The following ISL1 variants were observed in gnomAD, a reference collection of about 807,000 sequenced individuals.
The protein encoded by ISL1 is insulin gene enhancer protein ISL-1.
Under a neutral mutation model 35.3 loss-of-function variants are expected in ISL1, and 4 were observed. The ratio of observed to expected loss-of-function variants is 0.11; its 90% CI spans 0.06 to 0.26. The LOEUF (loss-of-function observed/expected upper bound fraction) is 0.26, where lower values mean the gene tolerates loss of function less well. ISL1 is among the 10% of genes least tolerant of loss of function. ISL1 has a pLI of 1.00. For missense variants in ISL1, 340 were observed against 472.8 expected, an observed-to-expected ratio of 0.72 and a Z score of 2.60; for synonymous variants, 186 against 172.3, an observed-to-expected ratio of 1.08 and a Z score of -0.62.
intron 5 of ISL1, among the ~76,000 whole-genome samples, chr5:51,392,108 T>G (rs1238486940): frequency 6.6e-6 from 1 of 152,162 alleles, no homozygotes; most frequent in Non-Finnish European, 1.5e-5. Context: ...AGACACACAG[T>G]GTGTACCATG....
In ISL1 at chr5:51,393,699, G is replaced by A. The variant is rs1747570743; in HGVS notation, c.*89G>A. The stretch of plus-strand genomic sequence containing the variant: ...TGAAACAAAAGTATTTAACGACCCA[G>A]TCAATGAAAACTGAATCAAGAAATG... On this transcript the variant is annotated 3_prime_UTR_variant, in exon 6 of 6. Coordinates refer to ENST00000230658, the MANE Select transcript of ISL1 (RefSeq NM_002202.3). 5 of 857,768 alleles carry A rather than the reference G, an allele frequency of 5.8e-6. No homozygotes were observed. Among genetic ancestry groups the A allele is most frequent in the Admixed American group, 1.7e-5 (1 of 58,832 alleles). 53.1% of individuals were successfully genotyped at this position (857,768 alleles called of 1,614,324 possible).
In ISL1 at chr5:51,394,558, T is replaced by C. The variant is rs1189513918; in HGVS notation, c.*948T>C. ...TTTCATGTCATTTGACATTTTTTGT[T>C]TGCTGAAGTGAAAAAAAAAGATAAA... On this transcript the variant is annotated 3_prime_UTR_variant, in exon 6 of 6. Coordinates refer to ENST00000230658, the MANE Select transcript of ISL1 (RefSeq NM_002202.3). 1 of 152,668 alleles carries C rather than the reference T, an allele frequency of 6.6e-6. No individual in the cohort carries two copies. The highest frequency in any genetic ancestry group is 1.9e-4 in the East Asian group (1 of 5,202). The allele number at this position is 152,668 out of a possible 1,614,324, so 9.5% of individuals were successfully genotyped here. A position where few individuals can be genotyped will look rare whatever the true frequency, so the allele number is the denominator to read the frequency against.
chr5:51,383,456 C>G lies in ISL1; in HGVS notation c.-216C>G, dbSNP rs1240613489. On this transcript the variant is annotated 5_prime_UTR_variant, in exon 1 of 6. Coordinates refer to ENST00000230658, the MANE Select transcript of ISL1 (RefSeq NM_002202.3). Reference sequence around the variant, plus strand: ...GGTGCCCGAGCCGCGCCGAGTCTGCCGCCGCCGCAGCGCCTCCGCTCCGCC... The same window carrying G: ...GGTGCCCGAGCCGCGCCGAGTCTGCGGCCGCCGCAGCGCCTCCGCTCCGCC... 4.9e-6 allele frequency: 3 copies of G among 616,856 alleles called. No individual in the cohort carries two copies. The highest frequency in any genetic ancestry group is 2.8e-5 in the Admixed American group (1 of 36,014). 38.2% of individuals were successfully genotyped at this position (616,856 alleles called of 1,614,324 possible). A position where few individuals can be genotyped will look rare whatever the true frequency, so the allele number is the denominator to read the frequency against.
At chr5:51,390,642 C>CTTTCTTTTTTTTTTTTTTTTTTTTTT (rs1747483445) in intron 4 of ISL1, among the ~76,000 whole-genome samples, 1 of 40,204 alleles carries the variant, frequency 2.5e-5, no homozygotes, top group Admixed American at 3.0e-4. Context: ...CTTTCTTTTT[C>CTTTCTTTTTTTTTTTTTTTTTTTTTT]TTTTTTTTTT....
intron 2 of ISL1, 103 bp downstream of exon 2, chr5:51,384,833 T>C (rs1177171485): frequency 1.5e-5 from 17 of 1,109,546 alleles, no homozygotes; most frequent in Non-Finnish European, 2.2e-5. Context: ...GAAGTTTGCC[T>C]CAGTGTAGTC....
rs3033046 is a variant in ISL1, at chr5:51,394,444, G to GA, written c.*845dup. On this transcript the variant is annotated 3_prime_UTR_variant, in exon 6 of 6. Transcript: ENST00000230658. ...TTTCTCTCTCTATGGAAATAAAAAG[G>GA]AAAAAAAAAAAGGAAACTTTTTTTG... is the stretch of plus-strand genomic sequence containing the variant. 0.055 allele frequency: 7,988 copies of GA among 144,506 alleles called. 409 individuals are homozygous for GA. Among genetic ancestry groups the GA allele is most frequent in the African/African-American group, 0.13 (5,366 of 39,894 alleles). 9.0% of individuals were successfully genotyped at this position (144,506 alleles called of 1,614,324 possible).
rs529216841 is a variant in ISL1, at chr5:51,391,524, G to T, written c.933+83G>T. 40 of 1,511,896 alleles carry T rather than the reference G, an allele frequency of 2.6e-5. No individual in the cohort carries two copies. In the African/African-American group the frequency reaches 4.5e-4, roughly 17 times the overall value. 93.7% of individuals were successfully genotyped at this position (1,511,896 alleles called of 1,614,324 possible). A position where few individuals can be genotyped will look rare whatever the true frequency, so the allele number is the denominator to read the frequency against. On this transcript the variant is annotated intron_variant, in intron 5 of 5. Coordinates refer to ENST00000230658, the MANE Select transcript of ISL1 (RefSeq NM_002202.3). ...ACTGTCACACATTGAAAGATTCAGT[G>T]GGGAGGGTGCCTTCTTGGGCTCAGG...
chr5:51,393,325 T>A (rs1320782574), intron 5 of ISL1, among the ~76,000 whole-genome samples, 169 bp from the exon 6 acceptor site: 1 of 152,230 alleles, frequency 6.6e-6, no homozygotes, highest in Non-Finnish European at 1.5e-5. Context: ...TCTTCCCAAG[T>A]TTTTCTCCTC....
rs752514762 is a variant in ISL1, at chr5:51,391,401, C to T, written c.893C>T (p.Ala298Val). 6.2e-7 allele frequency: 1 copy of T among 1,614,174 alleles called. No homozygotes were observed. The highest frequency in any genetic ancestry group is 8.5e-7 in the Non-Finnish European group (1 of 1,180,042). ...QPPWKVLSDF[A>V]LQSDIDQPAF... ...CCTTGGAAAGTACTGAGCGACTTCG[C>T]CTTGCAGAGTGACATAGATCAGCCT... Residue 298 changes from alanine to valine, a missense_variant, in exon 5 of 6, where the codon GCC becomes GTC. Ala to Val is a moderately conservative substitution (Grantham distance 64). Transcript: ENST00000230658.
At chr5:51,386,608 C>T (rs978611636) in intron 2 of ISL1, 2 of 456,000 alleles carry the variant, frequency 4.4e-6, no homozygotes, top group Non-Finnish European at 8.8e-6. Context: ...TAGATGGAAC[C>T]TATAAAGATT....
In ISL1 at chr5:51,387,580, G is replaced by A; in HGVS notation, c.309G>A (p.Glu103=). 6.2e-7 allele frequency: 1 copy of A among 1,614,260 alleles called. No homozygotes were observed. Residue 103 remains glutamate (E), a synonymous_variant, in exon 3 of 6, where the codon GAG becomes GAA. Coordinates refer to ENST00000230658, the MANE Select transcript of ISL1 (RefSeq NM_002202.3). This position sits in a 1 kb window ranked among gnomAD's most constrained non-coding sequence, Gnocchi z 4.3. ...CCCGCTCCAAGGTGTATCACATCGA[G>A]TGTTTCCGCTGTGTGGCCTGCAGCC... The part of the protein sequence containing the change: ...MRARSKVYHI[E]CFRCVACSRQ...
chr5:51,383,490 C>A lies in ISL1; in HGVS notation c.-182C>A. 1.5e-6 allele frequency: 1 copy of A among 647,122 alleles called. No individual in the cohort carries two copies. The highest frequency in any genetic ancestry group is 1.8e-5 in the South Asian group (1 of 55,750). 40.1% of individuals were successfully genotyped at this position (647,122 alleles called of 1,614,324 possible). A position where few individuals can be genotyped will look rare whatever the true frequency, so the allele number is the denominator to read the frequency against. Reference sequence around the variant, plus strand: ...AGCGCCTCCGCTCCGCCAACTCCGCCGGCTTAAATTGGACTCCTAGATCCG... The same window carrying A: ...AGCGCCTCCGCTCCGCCAACTCCGCAGGCTTAAATTGGACTCCTAGATCCG... On this transcript the variant is annotated 5_prime_UTR_variant, in exon 1 of 6. Transcript: ENST00000230658.
chr5:51,386,414 A>T, intron 2 of ISL1: 2 of 319,188 alleles, frequency 6.3e-6, no homozygotes, highest in Non-Finnish European at 1.2e-5. Flanking sequence ...GTGTGTGTGT[A>T]ATCTTGTAGT....
Position 51,393,915 on chromosome 5 carries a change from G to A in ISL1, c.*305G>A. ...TAAAACGTAGAGGATTTATATTCAA[G>A]GATCTCAAAGAAAGCATTTTCATTT... is the stretch of plus-strand genomic sequence containing the variant. On this transcript the variant is annotated 3_prime_UTR_variant, in exon 6 of 6. Coordinates refer to ENST00000230658, the MANE Select transcript of ISL1 (RefSeq NM_002202.3). The A allele has an allele frequency of 5.3e-6, 2 of 377,358 alleles. No homozygotes were observed. The highest frequency in any genetic ancestry group is 9.8e-6 in the Non-Finnish European group (2 of 204,028). 23.4% of individuals were successfully genotyped at this position (377,358 alleles called of 1,614,324 possible).
At position 51,388,646 on chromosome 5, in the gene ISL1, C is replaced by T. The variant is rs115373092; in HGVS notation, c.478+897C>T. Among the ~76,000 whole-genome samples, 603 of 152,290 alleles carry T rather than the reference C, an allele frequency of 4.0e-3. 2 individuals carry two copies. Among genetic ancestry groups the T allele is most frequent in the African/African-American group, 0.013 (559 of 41,542 alleles). On this transcript the variant is annotated intron_variant, in intron 3 of 5. Coordinates refer to ENST00000230658, the MANE Select transcript of ISL1 (RefSeq NM_002202.3). ...ACTTCCTGCCATGAATAGATCTACC[C>T]CTTTGCAGTTTTAAAGTATCAATTC...
At chr5:51,388,814 G>A (rs1747415217) in intron 3 of ISL1, among the ~76,000 whole-genome samples, 1 of 152,138 alleles carries the variant, frequency 6.6e-6, no homozygotes, top group South Asian at 2.1e-4. Context: ...AGTGGAGCCT[G>A]CACTCTGCTT....
chr5:51,392,756 G>T (rs1325036143), intron 5 of ISL1, among the ~76,000 whole-genome samples: 15 of 152,178 alleles, frequency 9.9e-5, no homozygotes, highest in Admixed American at 9.8e-4. Context: ...TGAGAGCAGT[G>T]GAAGGGAAGC....
rs1264185682 is a variant in ISL1 at position 51,394,537 on chromosome 5, A to C, written c.*927A>C. 6.6e-6 allele frequency: 1 copy of C among 152,364 alleles called. No homozygotes were observed. The highest frequency in any genetic ancestry group is 6.5e-5 in the Admixed American group (1 of 15,268). The allele number at this position is 152,364 out of a possible 1,614,324, so 9.4% of individuals were successfully genotyped here. ...ATTGTCGGAAGACTTGCCACTTTTC[A>C]TGTCATTTGACATTTTTTGTTTGCT... On this transcript the variant is annotated 3_prime_UTR_variant, in exon 6 of 6. Transcript: ENST00000230658.
chr5:51,383,847 C>A, intron 1 of ISL1, 148 bp downstream of exon 1: 3 of 737,648 alleles, frequency 4.1e-6, no homozygotes, highest in Non-Finnish European at 7.5e-6. Context: ...GTTGCCGCCA[C>A]GCCTGCATGC....
Sources: allele counts gnomAD v4.1 joint callset (sites outside exome capture counted in the v4.1 genomes callset), GRCh38; gene constraint gnomAD v4.1.1; non-coding constraint Gnocchi (gnomAD v3.1); transcripts MANE v1.5; gene names NCBI Gene and HGNC (gene_info 2026-07-23, HGNC 2026-07-21).